The following SOBP variants were observed in gnomAD, a reference collection of about 807,000 sequenced individuals.
SOBP encodes sine oculis-binding protein homolog.
A neutral mutation model predicts 53.6 loss-of-function variants in SOBP; 4 were observed. The observed-to-expected ratio is 0.07, with a 90% CI of 0.04 to 0.17. SOBP has a LOEUF of 0.17. Ranked by LOEUF, SOBP falls within the 10% of genes least tolerant of loss-of-function variation. The pLI is 1.00. For synonymous variants in SOBP, 584 were observed against 522.6 expected (o/e 1.12, Z -1.60); for missense variants, 1,088 against 1,204.7 (o/e 0.90, Z 1.43).
intron 4 of SOBP, among the ~76,000 whole-genome samples, chr6:107,538,852 A>T (rs780691555): frequency 7.9e-4 from 121 of 152,230 alleles, no homozygotes; most frequent in Non-Finnish European, 1.5e-3. Flanking sequence ...TGGAAAAAGC[A>T]ATCACAGAGG....
rs973711959 is a variant in SOBP at position 107,634,732 on chromosome 6, C to A, written c.1888C>A (p.Pro630Thr). 9.8e-6 allele frequency: 13 copies of A among 1,332,172 alleles called. No homozygotes were observed. Among genetic ancestry groups the A allele is most frequent in the Non-Finnish European group, 1.2e-5 (13 of 1,050,584 alleles). 82.5% of individuals were successfully genotyped at this position (1,332,172 alleles called of 1,614,324 possible). Reference protein sequence around the residue: ...VVDLTRRAGSPPGPPGAGGQL... With the variant: ...VVDLTRRAGSTPGPPGAGGQL... ...GGACCTGACGCGGCGCGCCGGCAGCCCCCCGGGCCCCCCGGGCGCGGGCGG... is the reference window on the plus strand; with the variant it reads ...GGACCTGACGCGGCGCGCCGGCAGCACCCCGGGCCCCCCGGGCGCGGGCGG... Residue 630 changes from proline (P) to threonine (T), a missense_variant, in exon 6 of 7, where the codon CCC (proline) becomes ACC (threonine). Physicochemically the swap from Pro to Thr is conservative, Grantham distance 38 (BLOSUM62 -1). Transcript: ENST00000317357. This position sits in a 1 kb window ranked among gnomAD's most constrained non-coding sequence, Gnocchi z 4.5.
At chr6:107,612,077 G>A (rs9386654) in intron 5 of SOBP, among the ~76,000 whole-genome samples, 29,059 of 152,078 alleles carry the variant, frequency 0.19, 3,402 homozygotes, top group East Asian at 0.4. Context: ...ATAATTTGCC[G>A]TTAGCATAGT....
chr6:107,616,829 T>C (rs925721410), intron 5 of SOBP, among the ~76,000 whole-genome samples: 2 of 152,192 alleles, frequency 1.3e-5, no homozygotes, highest in Non-Finnish European at 2.9e-5. Context: ...AGACAGCCCT[T>C]GGCTGTCTTG....
intron 4 of SOBP, among the ~76,000 whole-genome samples, chr6:107,562,642 G>A (rs565240790): frequency 2.0e-5 from 3 of 152,224 alleles, no homozygotes; most frequent in East Asian, 1.9e-4. Flanking sequence ...TTTCCTTGTC[G>A]CCTTCTGCAA....
intron 6 of SOBP, among the ~76,000 whole-genome samples, chr6:107,651,690 G>T (rs1437748577): frequency 1.3e-5 from 2 of 152,290 alleles, no homozygotes; most frequent in South Asian, 2.1e-4. Context: ...TGCCAACTAG[G>T]ACTTTCATAG....
intron 4 of SOBP, among the ~76,000 whole-genome samples, chr6:107,562,141 G>A (rs571852372): frequency 1.3e-5 from 2 of 150,480 alleles, no homozygotes; most frequent in South Asian, 2.1e-4. Context: ...AGTGATTCTC[G>A]TGCCTCAGCA....
At chr6:107,644,147 A>T (rs544854196) in intron 6 of SOBP, among the ~76,000 whole-genome samples, 5 of 152,306 alleles carry the variant, frequency 3.3e-5, no homozygotes, top group African/African-American at 1.2e-4. Flanking sequence ...TACTAAAAAT[A>T]TAAAAAATTA....
At chr6:107,524,389 C>T (rs1051013670) in intron 3 of SOBP, among the ~76,000 whole-genome samples, 1 of 152,220 alleles carries the variant, frequency 6.6e-6, no homozygotes, top group Non-Finnish European at 1.5e-5. Flanking sequence ...TCTTAGATTG[C>T]TCAGAGGTTC....
intron 4 of SOBP, among the ~76,000 whole-genome samples, chr6:107,553,175 G>A (rs1250087683): frequency 6.6e-6 from 1 of 151,902 alleles, no homozygotes; most frequent in Non-Finnish European, 1.5e-5. Flanking sequence ...GGCCTTCTTT[G>A]ATAATCTGAA....
chr6:107,635,411 A>G lies in SOBP; in HGVS notation c.2567A>G (p.Asp856Gly). 1 of 1,613,286 alleles carries G rather than the reference A, an allele frequency of 6.2e-7. No homozygotes were observed. Among genetic ancestry groups the G allele is most frequent in the Non-Finnish European group, 8.5e-7 (1 of 1,180,004 alleles). Residue 856 changes from aspartate (D) to glycine (G), a missense_variant, in exon 6 of 7, where the codon GAC becomes GGC. Physicochemically the swap from Asp to Gly is moderately conservative, Grantham distance 94. Coordinates refer to ENST00000317357, the MANE Select transcript of SOBP (RefSeq NM_018013.4). This position sits in a 1 kb window ranked among gnomAD's most constrained non-coding sequence, Gnocchi z 4.5. Reference sequence around the variant, plus strand: ...CCCATGCTCAGCGCCGGGCCTGAGGACCTGGAGCCGCCGCTCAAAAGGAGG... The same window carrying G: ...CCCATGCTCAGCGCCGGGCCTGAGGGCCTGGAGCCGCCGCTCAAAAGGAGG... ...SSPMLSAGPEDLEPPLKRRCL... is the reference protein window; with the variant it reads ...SSPMLSAGPEGLEPPLKRRCL...
chr6:107,621,000 C>T (rs1786985156), intron 5 of SOBP: 1 of 180,960 alleles, frequency 5.5e-6, no homozygotes, highest in South Asian at 1.9e-4. Context: ...GGGGTTTCTA[C>T]CCAAATACTG....
intron 5 of SOBP, among the ~76,000 whole-genome samples, chr6:107,589,912 CT>C (rs902694212): frequency 2.6e-5 from 4 of 152,116 alleles, no homozygotes; most frequent in African/African-American, 7.2e-5. Flanking sequence ...CTAAAGAAAA[CT>C]TTTAATAAAA....
chr6:107,539,589 A>G (rs1784095909), intron 4 of SOBP, among the ~76,000 whole-genome samples: 1 of 152,178 alleles, frequency 6.6e-6, no homozygotes. Context: ...CATTAACCAC[A>G]GTGTCAGATT....
Position 107,634,197 on chromosome 6 carries a change from G to A in SOBP, c.1353G>A (p.Met451Ile), listed in dbSNP as rs749299347. ...PRNLGPTSSP[M>I]HRPMLSPHIH... is the part of the protein sequence containing the mutation. Reference sequence around the variant, plus strand: ...ACCTGGGCCCCACTTCCAGCCCCATGCACCGGCCCATGCTATCGCCCCACA... The same window carrying A: ...ACCTGGGCCCCACTTCCAGCCCCATACACCGGCCCATGCTATCGCCCCACA... Residue 451 changes from methionine (M) to isoleucine (I), a missense_variant, in exon 6 of 7, where the codon ATG (methionine) becomes ATA (isoleucine). Coordinates refer to ENST00000317357, the MANE Select transcript of SOBP (RefSeq NM_018013.4). The surrounding 1 kb of genome is among the most constrained non-coding windows in gnomAD (Gnocchi z 4.5). The A allele has an allele frequency of 6.2e-7, 1 of 1,604,994 alleles. No homozygotes were observed. Among genetic ancestry groups the A allele is most frequent in the South Asian group, 1.1e-5 (1 of 90,990 alleles).
intron 3 of SOBP, chr6:107,513,875 T>C (rs753982439): frequency 6.6e-6 from 1 of 152,628 alleles, no homozygotes; most frequent in Non-Finnish European, 1.5e-5. Flanking sequence ...CTAATAGTTT[T>C]TGAGCATGTA....
At chr6:107,538,633 C>A (rs1290999911) in intron 4 of SOBP, among the ~76,000 whole-genome samples, 1 of 152,192 alleles carries the variant, frequency 6.6e-6, no homozygotes, top group East Asian at 1.9e-4. Context: ...TAGTACTGTA[C>A]TATAAGCCTA....
chr6:107,571,538 C>T (rs1245522669), intron 4 of SOBP, among the ~76,000 whole-genome samples: 1 of 152,194 alleles, frequency 6.6e-6, no homozygotes, highest in Non-Finnish European at 1.5e-5. Flanking sequence ...TGGCAACAGT[C>T]ACACTGGAGC....
chr6:107,503,707 T>G lies in SOBP; in HGVS notation c.147T>G (p.Asp49Glu). 6.2e-7 allele frequency: 1 copy of G among 1,614,146 alleles called. No homozygotes were observed. The highest frequency in any genetic ancestry group is 8.5e-7 in the Non-Finnish European group (1 of 1,180,010). ...MNELLGWYGY[D>E]KVELKDGEDI... is the part of the protein sequence containing the mutation. ...AACTCCTTGGCTGGTATGGCTATGA[T>G]AAGGTTGAATTAAAAGATGGTGAGG... is the stretch of plus-strand genomic sequence containing the variant. The change falls in exon 2 of 7, where the codon GAT becomes GAG. Residue 49 changes from aspartate (D) to glutamate (E), a missense_variant. Coordinates refer to ENST00000317357, the MANE Select transcript of SOBP (RefSeq NM_018013.4).
chr6:107,605,545 T>C (rs1172081322), intron 5 of SOBP, among the ~76,000 whole-genome samples: 1 of 152,234 alleles, frequency 6.6e-6, no homozygotes, highest in East Asian at 1.9e-4. Flanking sequence ...CAGTGTGTCC[T>C]TAGAAGCTGA....
Sources: gnomAD v4.1 joint callset for allele counts (sites outside exome capture counted in the v4.1 genomes callset) on GRCh38, gnomAD v4.1.1 for gene constraint, Gnocchi (gnomAD v3.1) non-coding constraint, MANE v1.5 for transcripts, NCBI Gene and HGNC (gene_info 2026-07-23, HGNC 2026-07-21) for gene names.